SPON1: variants seen among roughly 807,000 people sequenced by gnomAD.
The protein encoded by SPON1 is spondin 1, also known as spondin-1.
A neutral mutation model predicts 111.7 loss-of-function variants in SPON1; 52 were observed. That is an observed-to-expected ratio of 0.47 (90% CI 0.37 to 0.59). The LOEUF is 0.59. Among genes scored for constraint, SPON1 ranks in the 20% least tolerant of loss-of-function variants. The pLI is 0.00. For synonymous variants in SPON1, 410 were observed against 395.8 expected, an observed-to-expected ratio of 1.04 and a Z score of -0.43; for missense variants, 957 against 1,068.5, an observed-to-expected ratio of 0.90 and a Z score of 1.46.
At chr11:14,096,248 C>T (rs2133841162) in intron 5 of SPON1, among the ~76,000 whole-genome samples, 1 of 152,298 alleles carries the variant, frequency 6.6e-6, no homozygotes, top group African/African-American at 2.4e-5. Flanking sequence ...TCCAGTTAAA[C>T]AGGGAAGGCT....
intron 2 of SPON1, among the ~76,000 whole-genome samples, chr11:14,027,159 G>A (rs1242484131): frequency 6.6e-6 from 1 of 152,180 alleles, no homozygotes; most frequent in Non-Finnish European, 1.5e-5. Flanking sequence ...ATGAAGGAAT[G>A]GGGTCAGGGG....
Position 14,200,814 on chromosome 11 carries a change from T to TAAAA in SPON1, c.826-42488_826-42485dup, listed in dbSNP as rs572814576. 9.8e-4 allele frequency among the ~76,000 whole-genome samples: 78 copies of TAAAA among 79,340 alleles called. 1 individual carries two copies. The highest frequency in any genetic ancestry group is 3.4e-3 in the African/African-American group (59 of 17,570). The allele number at this position is 79,340 out of a possible 152,430, so 52.1% of individuals were successfully genotyped here. ...TGGGTGACAGAGCAAGACCCTGTCT[T>TAAAA]AAAAAAAAAAAAAAAAAAAAAAAAA... On this transcript the variant is annotated intron_variant, in intron 6 of 15. Transcript: ENST00000576479.
chr11:14,243,183 C>A, intron 6 of SPON1, 149 bp from the exon 7 acceptor site: 1 of 709,114 alleles, frequency 1.4e-6, no homozygotes, highest in Non-Finnish European at 2.4e-6. Context: ...AGGGTTCCCC[C>A]ATCCCAGAGA....
rs924304913 is a variant in SPON1 at position 14,085,155 on chromosome 11, C to T, written c.676+5134C>T. ...ATGAAGCTCTTTAGTTTAGTAAGAT[C>T]CCATTTGTCAATTTTGGCTTTTGTT... On this transcript the variant is annotated intron_variant, in intron 5 of 15. Transcript: ENST00000576479. Among the ~76,000 whole-genome samples, 6 of 152,220 alleles carry T rather than the reference C, an allele frequency of 3.9e-5. No homozygotes were observed. In the South Asian group the frequency reaches 6.2e-4, roughly 16 times the overall value.
chr11:14,247,714 A>G (rs2133920759), intron 7 of SPON1, among the ~76,000 whole-genome samples: 1 of 152,342 alleles, frequency 6.6e-6, no homozygotes, highest in Non-Finnish European at 1.5e-5. Context: ...TCTGGCTGGC[A>G]TAATGAAAGA....
chr11:14,100,647 G>A (rs148206822), intron 5 of SPON1, among the ~76,000 whole-genome samples: 4 of 152,182 alleles, frequency 2.6e-5, no homozygotes, highest in African/African-American at 9.6e-5. Flanking sequence ...TTTCTGGATT[G>A]TATGGATAAT....
chr11:14,160,933 TTATA>T (rs1396884175), intron 6 of SPON1, among the ~76,000 whole-genome samples: 3 of 21,424 alleles, frequency 1.4e-4, no homozygotes, highest in East Asian at 2.7e-3. Context: ...ATTTATATAT[TTATA>T]TATATATTTA....
chr11:14,223,719 A>G (rs1196111863), intron 6 of SPON1, among the ~76,000 whole-genome samples: 1 of 152,058 alleles, frequency 6.6e-6, no homozygotes, highest in Non-Finnish European at 1.5e-5. Context: ...CCTTCAATCC[A>G]TGAGAGACCC....
At chr11:14,195,018 G>A (rs370415622) in intron 6 of SPON1, among the ~76,000 whole-genome samples, 3 of 152,138 alleles carry the variant, frequency 2.0e-5, no homozygotes, top group Non-Finnish European at 2.9e-5. Context: ...ATATTGAAAC[G>A]TCTTTAGTGG....
intron 3 of SPON1, among the ~76,000 whole-genome samples, chr11:14,045,432 G>A (rs1457485830): frequency 6.6e-6 from 1 of 151,844 alleles, no homozygotes; most frequent in Admixed American, 6.6e-5. Flanking sequence ...ACAAAAATTA[G>A]CCAGGTATGG....
At chr11:14,090,562 C>G (rs1849042583) in intron 5 of SPON1, among the ~76,000 whole-genome samples, 1 of 151,842 alleles carries the variant, frequency 6.6e-6, no homozygotes, top group East Asian at 1.9e-4. Flanking sequence ...AGCTGCAGAC[C>G]TTTGTGGTGA....
At chr11:14,167,285 T>G (rs1307818885) in intron 6 of SPON1, among the ~76,000 whole-genome samples, 3 of 152,104 alleles carry the variant, frequency 2.0e-5, no homozygotes, top group Admixed American at 6.6e-5. Flanking sequence ...AATTTTTTTT[T>G]GGAAAGTTGT....
Position 14,160,925 on chromosome 11 carries a change from T to TTATATATATATTTATATATTTA in SPON1, c.825+25364_825+25365insATATTTATATATTTATATATAT, listed in dbSNP as rs1554931110. ...TATATTTATATATATATTTATATATTTATATATTTATATATATATTTATAT... is the reference window on the plus strand; with the variant it reads ...TATATTTATATATATATTTATATATTTATATATATATTTATATATTTATATATATTTATATATATATTTATAT... On this transcript the variant is annotated intron_variant, in intron 6 of 15. Coordinates refer to ENST00000576479, the MANE Select transcript of SPON1 (RefSeq NM_006108.4). Among the ~76,000 whole-genome samples, 167 of 29,746 alleles carry TTATATATATATTTATATATTTA rather than the reference T, an allele frequency of 5.6e-3. 5 individuals are homozygous for TTATATATATATTTATATATTTA. The highest frequency in any genetic ancestry group is 0.023 in the African/African-American group (164 of 7,124). The allele number at this position is 29,746 out of a possible 152,430, so 19.5% of individuals were successfully genotyped here.
chr11:14,089,594 G>A (rs572509775), intron 5 of SPON1, among the ~76,000 whole-genome samples: 16 of 152,222 alleles, frequency 1.1e-4, no homozygotes, highest in East Asian at 1.9e-4. Flanking sequence ...GTCTCTCCCC[G>A]TCAGGAAGCA....
At chr11:13,985,135 A>C (rs868947805) in intron 2 of SPON1, among the ~76,000 whole-genome samples, 22 of 152,188 alleles carry the variant, frequency 1.4e-4, no homozygotes, top group African/African-American at 5.3e-4. Context: ...TTCAGGGTGA[A>C]TCTGATGCAT....
At chr11:14,000,522 G>A (rs1848309081) in intron 2 of SPON1, among the ~76,000 whole-genome samples, 2 of 152,160 alleles carry the variant, frequency 1.3e-5, no homozygotes, top group South Asian at 4.1e-4. Flanking sequence ...CACATAATAG[G>A]TGTTTAATAT....
intron 6 of SPON1, among the ~76,000 whole-genome samples, chr11:14,202,133 G>A (rs1190706267): frequency 6.6e-6 from 1 of 152,106 alleles, no homozygotes; most frequent in Admixed American, 6.5e-5. Context: ...GAACACTGTG[G>A]GAACCAAGCA....
intron 6 of SPON1, among the ~76,000 whole-genome samples, chr11:14,184,347 C>T (rs1283352232): frequency 6.6e-6 from 1 of 152,182 alleles, no homozygotes; most frequent in Non-Finnish European, 1.5e-5. Flanking sequence ...CATGATAAAT[C>T]TTACTAATAA....
chr11:14,224,193 C>G (rs1354685586), intron 6 of SPON1, among the ~76,000 whole-genome samples: 1 of 152,086 alleles, frequency 6.6e-6, no homozygotes, highest in Non-Finnish European at 1.5e-5. Context: ...ACAGTTCCTC[C>G]CCTTGAAGCA....
Sources: gnomAD v4.1 joint callset for allele counts (sites outside exome capture counted in the v4.1 genomes callset) on GRCh38, gnomAD v4.1.1 for gene constraint, MANE v1.5 for transcripts, NCBI Gene and HGNC (gene_info 2026-07-23, HGNC 2026-07-21) for gene names.